PIP5K1B: variants seen among roughly 807,000 people sequenced by gnomAD.
PIP5K1B encodes the protein phosphatidylinositol-4-phosphate 5-kinase type 1 beta, also known as phosphatidylinositol 4-phosphate 5-kinase type-1 beta.
A neutral mutation model predicts 67.0 loss-of-function variants in PIP5K1B; 42 were observed. That is an observed-to-expected ratio of 0.63 (90% CI 0.49 to 0.81). PIP5K1B has a LOEUF of 0.81. Ranked by LOEUF, PIP5K1B falls within the 30% of genes least tolerant of loss-of-function variation. The pLI is 0.00. For missense variants in PIP5K1B, 459 were observed against 646.3 expected (o/e 0.71, Z 3.14); for synonymous variants, 214 against 231.4 (o/e 0.92, Z 0.68).
chr9:68,906,337 G>A (rs1169425956), intron 8 of PIP5K1B, among the ~76,000 whole-genome samples: 4 of 152,118 alleles, frequency 2.6e-5, no homozygotes, highest in South Asian at 2.1e-4. Flanking sequence ...TGTTTTGATC[G>A]AGCAAGGATA....
intron 1 of PIP5K1B, among the ~76,000 whole-genome samples, chr9:68,731,821 G>T (rs1308838179): frequency 6.6e-6 from 1 of 152,212 alleles, no homozygotes; most frequent in Admixed American, 6.5e-5. Flanking sequence ...TACTCTGAGA[G>T]ACAGTCACAC....
At chr9:68,769,779 C>T (rs1830594097) in intron 2 of PIP5K1B, among the ~76,000 whole-genome samples, 2 of 152,210 alleles carry the variant, frequency 1.3e-5, no homozygotes, top group South Asian at 4.1e-4. Context: ...TCCTCAAGAA[C>T]ACTTCCGTGG....
chr9:68,961,017 T>A (rs1055548111), intron 14 of PIP5K1B, among the ~76,000 whole-genome samples: 6 of 151,944 alleles, frequency 3.9e-5, no homozygotes, highest in Non-Finnish European at 8.8e-5. Context: ...GAGACCATCC[T>A]GGCTAACAAG....
chr9:68,765,892 C>T (rs713057), intron 2 of PIP5K1B, among the ~76,000 whole-genome samples: 2,358 of 152,266 alleles, frequency 0.015, 32 homozygotes, highest in Non-Finnish European at 0.026. Context: ...CCTTGCTATA[C>T]ATATCCTCTG....
intron 8 of PIP5K1B, among the ~76,000 whole-genome samples, chr9:68,903,090 G>A (rs1440071195): frequency 6.6e-6 from 1 of 152,140 alleles, no homozygotes. Flanking sequence ...AGCCATTGGT[G>A]TTGCTTCATT....
At chr9:68,818,933 A>G (rs527572549) in intron 3 of PIP5K1B, among the ~76,000 whole-genome samples, 71 of 152,350 alleles carry the variant, frequency 4.7e-4, no homozygotes, top group African/African-American at 1.6e-3. Flanking sequence ...AGAACTTCTG[A>G]GAATGTCTTT....
chr9:68,815,971 T>C (rs2132044989), intron 2 of PIP5K1B, among the ~76,000 whole-genome samples: 1 of 152,248 alleles, frequency 6.6e-6, no homozygotes, highest in South Asian at 2.1e-4. Flanking sequence ...CAAACTAACA[T>C]TTGAAGAAGT....
chr9:68,839,632 T>G (rs911118233), intron 4 of PIP5K1B, among the ~76,000 whole-genome samples: 3 of 152,206 alleles, frequency 2.0e-5, no homozygotes, highest in Non-Finnish European at 4.4e-5. Flanking sequence ...CAGAAAATTA[T>G]CAAAATCTGT....
At chr9:68,920,496 T>C (rs1473208732) in intron 11 of PIP5K1B, among the ~76,000 whole-genome samples, 1 of 150,346 alleles carries the variant, frequency 6.7e-6, no homozygotes, top group Non-Finnish European at 1.5e-5. Flanking sequence ...CCCTCCTGAG[T>C]AGCTGGGACA....
At chr9:68,812,322 T>C (rs1833213989) in intron 2 of PIP5K1B, among the ~76,000 whole-genome samples, 1 of 152,192 alleles carries the variant, frequency 6.6e-6, no homozygotes, top group South Asian at 2.1e-4. Context: ...TCAAATTGAG[T>C]GAAAACATAG....
intron 2 of PIP5K1B, among the ~76,000 whole-genome samples, chr9:68,786,329 A>G (rs188619596): frequency 1.6e-4 from 25 of 152,336 alleles, no homozygotes; most frequent in Middle Eastern, 3.4e-3. Flanking sequence ...ATGAGTGTTT[A>G]AAATCCTCAT....
intron 5 of PIP5K1B, among the ~76,000 whole-genome samples, chr9:68,876,070 A>C (rs1011093302): frequency 2.6e-5 from 4 of 152,182 alleles, no homozygotes; most frequent in Non-Finnish European, 4.4e-5. Flanking sequence ...TATTGTGTAT[A>C]ATTTTTCAAA....
intron 4 of PIP5K1B, among the ~76,000 whole-genome samples, chr9:68,861,229 C>T (rs1823051673): frequency 6.6e-6 from 1 of 152,168 alleles, no homozygotes; most frequent in African/African-American, 2.4e-5. Flanking sequence ...CAGCAGGGTT[C>T]TTTTCAAAAT....
chr9:68,822,560 A>G (rs1457954947), intron 3 of PIP5K1B, 55 bp from the exon 4 acceptor site: 1 of 1,214,306 alleles, frequency 8.2e-7, no homozygotes, highest in East Asian at 2.4e-5. Context: ...TATTATTAAT[A>G]TATTGTATTT....
At chr9:68,811,546 CCTA>C (rs1833167535) in intron 2 of PIP5K1B, among the ~76,000 whole-genome samples, 1 of 152,160 alleles carries the variant, frequency 6.6e-6, no homozygotes, top group African/African-American at 2.4e-5. Context: ...ACATACCCCT[CCTA>C]CTGCAGTTCC....
chr9:68,836,695 G>C (rs1029147851), intron 4 of PIP5K1B, among the ~76,000 whole-genome samples: 3 of 151,706 alleles, frequency 2.0e-5, no homozygotes, highest in South Asian at 4.2e-4. Flanking sequence ...TTATTATGAG[G>C]GTCCTGAATT....
At chr9:68,735,179 A>G (rs1828663268) in intron 1 of PIP5K1B, among the ~76,000 whole-genome samples, 1 of 152,100 alleles carries the variant, frequency 6.6e-6, no homozygotes, top group Non-Finnish European at 1.5e-5. Context: ...AAATGTAGTG[A>G]GAGAATTCTT....
At chr9:68,785,790 A>G (rs1213944955) in intron 2 of PIP5K1B, among the ~76,000 whole-genome samples, 2 of 152,140 alleles carry the variant, frequency 1.3e-5, no homozygotes, top group South Asian at 2.1e-4. Context: ...TTCGTACACA[A>G]TGTGCTTACA....
At chr9:68,732,781 G>C (rs1828506206) in intron 1 of PIP5K1B, among the ~76,000 whole-genome samples, 1 of 152,190 alleles carries the variant, frequency 6.6e-6, no homozygotes, top group Non-Finnish European at 1.5e-5. Context: ...CAGTGGAGTA[G>C]AAAGGTCTGC....
Sources: gnomAD v4.1 joint callset for allele counts (sites outside exome capture counted in the v4.1 genomes callset) on GRCh38, gnomAD v4.1.1 for gene constraint, MANE v1.5 for transcripts, NCBI Gene and HGNC (gene_info 2026-07-23, HGNC 2026-07-21) for gene names.